The following MYH14 variants were observed in gnomAD, a reference collection of about 807,000 sequenced individuals.
MYH14 encodes myosin heavy chain 14.
MYH14 carries 123 observed loss-of-function variants against 255.5 expected under a neutral mutation model. The ratio of observed to expected loss-of-function variants is 0.48; its 90% CI spans 0.42 to 0.56. The LOEUF (loss-of-function observed/expected upper bound fraction) is 0.56, where lower values mean the gene tolerates loss of function less well. Ranked by LOEUF, MYH14 falls within the 20% of genes least tolerant of loss-of-function variation. The pLI, the probability that MYH14 is intolerant of heterozygous loss-of-function variation, is 0.00. For synonymous variants in MYH14, 1,095 were observed against 1,161.2 expected (o/e 0.94, Z 1.16); for missense variants, 2,423 against 2,802.3 (o/e 0.86, Z 3.06).
chr19:50,255,697 G>T (rs775875060), intron 17 of MYH14, among the ~76,000 whole-genome samples: 5 of 152,036 alleles, frequency 3.3e-5, no homozygotes, highest in Non-Finnish European at 5.9e-5. Context: ...TGGCAGAGCT[G>T]GGATTTGAAC....
chr19:50,206,244 TG>T (rs1358044439), intron 1 of MYH14, among the ~76,000 whole-genome samples: 1 of 151,532 alleles, frequency 6.6e-6, no homozygotes, highest in African/African-American at 2.4e-5. Context: ...TCCTGGGTCC[TG>T]GGAGAGGAGG....
rs1322523063 is a variant in MYH14, at chr19:50,276,178, T to G, written c.3655T>G (p.Ser1219Ala). The change falls in exon 28 of 43, where the codon TCC (serine) becomes GCC (alanine). Residue 1219 changes from serine to alanine, a missense_variant. Around this residue, in one of 3 missense-constraint regions of MYH14, gnomAD observed 1,513 missense variants for 1,674.8 expected, o/e 0.90. Coordinates refer to ENST00000642316, the MANE Select transcript of MYH14 (RefSeq NM_001145809.2). This position sits in a 1 kb window ranked among gnomAD's most constrained non-coding sequence, Gnocchi z 4.3. ...LRGELEDTLD[S>A]TNAQQELRSK... ...GGGCGAGCTGGAGGACACGCTGGAC[T>G]CCACCAACGCACAGCAGGAGCTCCG... The G allele has an allele frequency of 6.4e-7, 1 of 1,551,716 alleles. No homozygotes were observed. The highest frequency in any genetic ancestry group is 2.4e-5 in the East Asian group (1 of 41,262).
intron 2 of MYH14, among the ~76,000 whole-genome samples, chr19:50,213,760 C>T (rs2032324584): frequency 6.6e-6 from 1 of 152,284 alleles, no homozygotes; most frequent in Non-Finnish European, 1.5e-5. Flanking sequence ...AAGCCATTTG[C>T]CCAACAGAAG....
Position 50,257,483 on chromosome 19 carries a change from G to A in MYH14, c.2229G>A (p.Lys743=). 1.9e-6 allele frequency: 3 copies of A among 1,598,840 alleles called. No individual in the cohort carries two copies. The highest frequency in any genetic ancestry group is 2.6e-6 in the Non-Finnish European group (3 of 1,172,306). The change falls in exon 18 of 43, where the codon AAG becomes AAA. Residue 743 remains lysine, a synonymous_variant. Transcript: ENST00000642316. ...GCTGCATTGTCCCCAACCACGAGAA[G>A]AGGGTGAGTGACTCAGCCTGGGGAG... ...FVRCIVPNHE[K]RAGKLEPRLV... is the part of the protein sequence containing the mutation.
At chr19:50,288,725 A>C (rs925751510) in intron 34 of MYH14, among the ~76,000 whole-genome samples, 1 of 152,124 alleles carries the variant, frequency 6.6e-6, no homozygotes, top group Admixed American at 6.5e-5. Flanking sequence ...ACAAAAAGCC[A>C]CCTAAGCAAA....
intron 1 of MYH14, among the ~76,000 whole-genome samples, chr19:50,209,350 G>A (rs2032017409): frequency 6.6e-6 from 1 of 152,050 alleles, no homozygotes; most frequent in Non-Finnish European, 1.5e-5. Context: ...CATTGTCAGT[G>A]CCCAGAACTG....
chr19:50,232,593 C>CAAAAAAAAAAAA (rs532232129), intron 10 of MYH14, among the ~76,000 whole-genome samples: 1 of 63,694 alleles, frequency 1.6e-5, no homozygotes, highest in African/African-American at 6.6e-5. Flanking sequence ...GACTCTGTCT[C>CAAAAAAAAAAAA]AAAAAAAAAA....
At chr19:50,245,986 C>T (rs2034104203) in intron 11 of MYH14, among the ~76,000 whole-genome samples, 1 of 107,570 alleles carries the variant, frequency 9.3e-6, no homozygotes, top group Non-Finnish European at 1.7e-5. Flanking sequence ...TTCCTTCCTT[C>T]TTTTAGATAG....
intron 11 of MYH14, among the ~76,000 whole-genome samples, chr19:50,246,579 A>G (rs924750459): frequency 6.6e-6 from 1 of 152,088 alleles, no homozygotes; most frequent in African/African-American, 2.4e-5. Flanking sequence ...CTGAGATTGC[A>G]TCACTGCACT....
At chr19:50,218,597 C>CA (rs71180682) in intron 3 of MYH14, among the ~76,000 whole-genome samples, 39,206 of 149,072 alleles carry the variant, frequency 0.26, 5,887 homozygotes, top group East Asian at 0.33. Flanking sequence ...GACTCTGTCT[C>CA]AAAAAAAAAA....
intron 22 of MYH14, among the ~76,000 whole-genome samples, chr19:50,264,605 C>T (rs569869702): frequency 6.6e-6 from 1 of 152,266 alleles, no homozygotes; most frequent in African/African-American, 2.4e-5. Flanking sequence ...CAGTGTTCTG[C>T]GTCTCCCGCT....
rs765324565 is a variant in MYH14, at chr19:50,280,200, C to T, written c.4138-31C>T. On this transcript the variant is annotated intron_variant, in intron 31 of 42. Transcript: ENST00000642316. This position sits in a 1 kb window ranked among gnomAD's most constrained non-coding sequence, Gnocchi z 4.8. ...CCTCCCCTCCTTGTCCTCCCAGCCACACCTGACATTGCCGTCTCCTCCATC... is the reference window on the plus strand; with the variant it reads ...CCTCCCCTCCTTGTCCTCCCAGCCATACCTGACATTGCCGTCTCCTCCATC... The T allele has an allele frequency of 1.3e-6, 2 of 1,555,768 alleles. No homozygotes were observed. Among genetic ancestry groups the T allele is most frequent in the African/African-American group, 1.4e-5 (1 of 73,206 alleles).
At chr19:50,307,419 C>T (rs1425359576) in intron 41 of MYH14, among the ~76,000 whole-genome samples, 3 of 152,084 alleles carry the variant, frequency 2.0e-5, no homozygotes, top group Non-Finnish European at 4.4e-5. Flanking sequence ...GAAGTTAAAC[C>T]CTACCCAGAA....
chr19:50,210,302 G>A, intron 1 of MYH14, 61 bp from the exon 2 acceptor site: 2 of 1,448,754 alleles, frequency 1.4e-6, no homozygotes, highest in Non-Finnish European at 1.8e-6. Flanking sequence ...TTGGGGTAGG[G>A]AAGGGAGGCC....
chr19:50,275,205 C>G (rs1053785325), intron 27 of MYH14, among the ~76,000 whole-genome samples: 2 of 152,168 alleles, frequency 1.3e-5, no homozygotes, highest in African/African-American at 4.8e-5. Flanking sequence ...CTAAGCCAGG[C>G]CTGTGTGGCT....
At chr19:50,274,368 CACT>C (rs1316760541) in intron 27 of MYH14, among the ~76,000 whole-genome samples, 2 of 152,170 alleles carry the variant, frequency 1.3e-5, no homozygotes, top group Non-Finnish European at 1.5e-5. Flanking sequence ...GATCTTGCCT[CACT>C]ACATCCTCCG....
rs1169488976 is a variant in MYH14, at chr19:50,280,928, G to T, written c.4290+545G>T. ...TCCAGACTTAGCATTAGGCTCCCCT[G>T]TGGGAAGTTTCCTGACCCGTCTTCT... is the stretch of plus-strand genomic sequence containing the variant. On this transcript the variant is annotated intron_variant, in intron 32 of 42. Coordinates refer to ENST00000642316, the MANE Select transcript of MYH14 (RefSeq NM_001145809.2). The surrounding 1 kb of genome is among the most constrained non-coding windows in gnomAD (Gnocchi z 4.8). 6.6e-6 allele frequency among the ~76,000 whole-genome samples: 1 copy of T among 152,162 alleles called. No individual in the cohort carries two copies. Among genetic ancestry groups the T allele is most frequent in the Non-Finnish European group, 1.5e-5 (1 of 68,036 alleles).
Position 50,229,638 on chromosome 19 carries a change from T to TA in MYH14, c.875-880dup, listed in dbSNP as rs894906939. Among the ~76,000 whole-genome samples, 8 of 152,016 alleles carry TA rather than the reference T, an allele frequency of 5.3e-5. No homozygotes were observed. In the East Asian group the frequency reaches 7.7e-4, roughly 15 times the overall value. On this transcript the variant is annotated intron_variant, in intron 8 of 42. Coordinates refer to ENST00000642316, the MANE Select transcript of MYH14 (RefSeq NM_001145809.2). ...TGAGGCAACAGAGCCAGACCCTGTC[T>TA]AAAAAAACAAAACAAAACAAAACAA...
At chr19:50,283,859 G>A (rs1258516760) in intron 33 of MYH14, among the ~76,000 whole-genome samples, 2 of 152,186 alleles carry the variant, frequency 1.3e-5, no homozygotes, top group African/African-American at 4.8e-5. Context: ...GATCACCTGA[G>A]GTTGGGAGTT....
Sources: allele counts gnomAD v4.1 joint callset (sites outside exome capture counted in the v4.1 genomes callset), GRCh38; gene constraint gnomAD v4.1.1; regional missense constraint gnomAD v4.1.1; non-coding constraint Gnocchi (gnomAD v3.1); transcripts MANE v1.5; gene names NCBI Gene and HGNC (gene_info 2026-07-23, HGNC 2026-07-21).